Variants in SCYL2 observed in about 807,000 individuals in gnomAD.
SCYL2 encodes SCY1-like protein 2.
A neutral mutation model predicts 100.4 loss-of-function variants in SCYL2; 36 were observed. The ratio of observed to expected loss-of-function variants is 0.36; its 90% CI spans 0.27 to 0.47. The LOEUF (loss-of-function observed/expected upper bound fraction) is 0.47. Among genes scored for constraint, SCYL2 ranks in the 20% least tolerant of loss-of-function variants. The pLI, the probability that SCYL2 is intolerant of heterozygous loss-of-function variation, is 1.00. For missense variants in SCYL2, 902 were observed against 1,083.9 expected (o/e 0.83, Z 2.36); for synonymous variants, 330 against 359.2 (o/e 0.92, Z 0.92).
intron 4 of SCYL2, among the ~76,000 whole-genome samples, chr12:100,303,125 A>C (rs895135888): frequency 1.3e-5 from 2 of 151,986 alleles, no homozygotes; most frequent in Non-Finnish European, 2.9e-5. Flanking sequence ...TTCTTCTCTA[A>C]ACTGGTTATT....
chr12:100,313,071 G>C (rs1247163675), intron 6 of SCYL2, among the ~76,000 whole-genome samples: 1 of 152,240 alleles, frequency 6.6e-6, no homozygotes, highest in Non-Finnish European at 1.5e-5. Context: ...TGGGGCTGCA[G>C]TGAGCTATGA....
Position 100,290,541 on chromosome 12 carries a change from G to A in SCYL2, c.178-962G>A, listed in dbSNP as rs2096309364. Among the ~76,000 whole-genome samples the A allele has an allele frequency of 3.3e-5, 5 of 152,174 alleles. No individual in the cohort carries two copies. In the South Asian group the frequency reaches 1.0e-3, roughly 32 times the overall value. On this transcript the variant is annotated intron_variant, in intron 2 of 17. Transcript: ENST00000360820. Reference sequence around the variant, plus strand: ...AACTTATGAAAATAATAATGCTAATGTAGCAAAAATGCAGAACAGAAGAAA... The same window carrying A: ...AACTTATGAAAATAATAATGCTAATATAGCAAAAATGCAGAACAGAAGAAA...
At chr12:100,305,405 C>T (rs1486946149) in intron 4 of SCYL2, among the ~76,000 whole-genome samples, 1 of 152,196 alleles carries the variant, frequency 6.6e-6, no homozygotes, top group South Asian at 2.1e-4. Context: ...TGAATGACTA[C>T]TGGGTAAATA....
intron 1 of SCYL2, among the ~76,000 whole-genome samples, chr12:100,272,685 T>G (rs1372107049): frequency 6.6e-6 from 1 of 152,172 alleles, no homozygotes; most frequent in Non-Finnish European, 1.5e-5. Context: ...GGCTTCACCT[T>G]CCACCTAGAC....
At chr12:100,311,011 A>G (rs763532746) in intron 4 of SCYL2, 33 bp from the exon 5 acceptor site, 95 of 1,484,866 alleles carry the variant, frequency 6.4e-5, no homozygotes, top group South Asian at 1.6e-4. Context: ...AAGGAGTTTT[A>G]TTTAGTGTAA....
intron 3 of SCYL2, among the ~76,000 whole-genome samples, chr12:100,295,732 A>G (rs917858449): frequency 6.6e-6 from 1 of 151,642 alleles, no homozygotes; most frequent in Admixed American, 6.6e-5. Context: ...GGAGAGGGAG[A>G]GGGAGACCAT....
intron 1 of SCYL2, among the ~76,000 whole-genome samples, chr12:100,278,966 T>G (rs1442151534): frequency 6.6e-6 from 1 of 152,144 alleles, no homozygotes; most frequent in Non-Finnish European, 1.5e-5. Flanking sequence ...TATATGTAAT[T>G]TACTTGTTTT....
At chr12:100,299,287 T>G (rs186307397) in intron 4 of SCYL2, among the ~76,000 whole-genome samples, 2 of 152,202 alleles carry the variant, frequency 1.3e-5, no homozygotes, top group African/African-American at 4.8e-5. Context: ...TAGAATAAAT[T>G]TATATAGTAG....
rs375690956 is a variant in SCYL2, at chr12:100,332,718, G to GTT, written c.1762-1435_1762-1434dup. On this transcript the variant is annotated intron_variant, in intron 13 of 17. Transcript: ENST00000360820. ...TTGCTTTGTTTTTGTTTTTATTTTT[G>GTT]TTTTTTTTTTTTTTGAGACAGGGTC... 3.0e-3 allele frequency among the ~76,000 whole-genome samples: 414 copies of GTT among 140,050 alleles called. 2 individuals are homozygous for GTT. Among genetic ancestry groups the GTT allele is most frequent in the Middle Eastern group, 0.011 (3 of 278 alleles). 91.9% of individuals were successfully genotyped at this position (140,050 alleles called of 152,430 possible). A position where few individuals can be genotyped will look rare whatever the true frequency, so the allele number is the denominator to read the frequency against.
rs1328603715 is a variant in SCYL2 at position 100,323,530 on chromosome 12, C to G, written c.1401C>G (p.Leu467=). The stretch of plus-strand genomic sequence containing the variant: ...TCAGTTTATTTTCTTTATAGGAGCT[C>G]TGTCTAAACATCATTCCAACCTTTG... ...LEAPSIQIQE[L]CLNIIPTFAN... is the part of the protein sequence containing the mutation. Residue 467 remains leucine, a synonymous_variant, in exon 11 of 18, where the codon CTC becomes CTG. Transcript: ENST00000360820. 5 of 1,548,586 alleles carry G rather than the reference C, an allele frequency of 3.2e-6. No individual in the cohort carries two copies. The African/African-American group carries it at 6.8e-5, about 21-fold the overall frequency.
At chr12:100,283,611 ACT>A (rs1367993977) in intron 2 of SCYL2, among the ~76,000 whole-genome samples, 5 of 152,090 alleles carry the variant, frequency 3.3e-5, no homozygotes, top group Non-Finnish European at 7.4e-5. Context: ...GGCCAAAATC[ACT>A]GTTTTCAAAA....
intron 2 of SCYL2, among the ~76,000 whole-genome samples, chr12:100,284,250 C>G (rs900452285): frequency 2.6e-5 from 4 of 152,108 alleles, no homozygotes; most frequent in Non-Finnish European, 5.9e-5. Flanking sequence ...CTGAAATCTC[C>G]TGATGATTTT....
At chr12:100,313,608 G>T in intron 7 of SCYL2, 70 bp downstream of exon 7, 1 of 817,592 alleles carries the variant, frequency 1.2e-6, no homozygotes, top group Non-Finnish European at 2.0e-6. Flanking sequence ...AAGTTTTTGG[G>T]TTTTAAAAAA....
chr12:100,289,266 G>A (rs1166486625), intron 2 of SCYL2, among the ~76,000 whole-genome samples: 1 of 152,168 alleles, frequency 6.6e-6, no homozygotes, highest in Non-Finnish European at 1.5e-5. Context: ...TTGAAGACAT[G>A]CATCGTGTTT....
intron 1 of SCYL2, among the ~76,000 whole-genome samples, chr12:100,277,837 A>G (rs561871440): frequency 2.2e-4 from 34 of 152,094 alleles, no homozygotes; most frequent in Admixed American, 5.2e-4. Flanking sequence ...TTTACTAACT[A>G]AATTTTATCT....
At chr12:100,285,496 G>A (rs2096303553) in intron 2 of SCYL2, among the ~76,000 whole-genome samples, 5 of 152,054 alleles carry the variant, frequency 3.3e-5, no homozygotes, top group South Asian at 4.1e-4. Flanking sequence ...TAATTTTTCC[G>A]GTGTGGTGCC....
chr12:100,319,176 T>C (rs2096352814), intron 10 of SCYL2: 2 of 453,490 alleles, frequency 4.4e-6, no homozygotes, highest in Admixed American at 4.7e-5. Context: ...TTATTTCGTT[T>C]GTTCAAGGCT....
chr12:100,317,036 C>T (rs1418650236), intron 9 of SCYL2, among the ~76,000 whole-genome samples: 4 of 150,762 alleles, frequency 2.7e-5, no homozygotes, highest in African/African-American at 7.3e-5. Flanking sequence ...GTCGAGGCTG[C>T]GGTAAGCTAT....
intron 13 of SCYL2, among the ~76,000 whole-genome samples, chr12:100,331,121 T>C (rs1209326791): frequency 6.6e-6 from 1 of 152,024 alleles, no homozygotes; most frequent in Non-Finnish European, 1.5e-5. Flanking sequence ...CCACCATGCC[T>C]GGCCCCCTAG....
Sources: gnomAD v4.1 joint callset for allele counts (sites outside exome capture counted in the v4.1 genomes callset) on GRCh38, gnomAD v4.1.1 for gene constraint, MANE v1.5 for transcripts, NCBI Gene and HGNC (gene_info 2026-07-23, HGNC 2026-07-21) for gene names.